The following DOK6 variants were observed in gnomAD, a reference collection of about 807,000 sequenced individuals.
DOK6 encodes downstream of tyrosine kinase 6.
Under a neutral mutation model 44.0 loss-of-function variants are expected in DOK6, and 22 were observed. The ratio of observed to expected loss-of-function variants is 0.50; its 90% CI spans 0.36 to 0.71. The LOEUF is 0.71. DOK6 is among the 30% of genes least tolerant of loss of function. The probability of loss-of-function intolerance (pLI) is 0.00; values close to 1 mark genes in which losing one functional copy is unlikely to be tolerated. For synonymous variants in DOK6, 166 were observed against 145.5 expected, an observed-to-expected ratio of 1.14 and a Z score of -1.01; for missense variants, 340 against 416.4, an observed-to-expected ratio of 0.82 and a Z score of 1.60.
intron 1 of DOK6, among the ~76,000 whole-genome samples, chr18:69,408,043 C>T (rs926931459): frequency 2.0e-5 from 3 of 152,104 alleles, no homozygotes; most frequent in African/African-American, 7.2e-5. Context: ...TGTACATAAA[C>T]TAGAATCCAA....
At chr18:69,805,184 A>G (rs1376183827) in intron 7 of DOK6, among the ~76,000 whole-genome samples, 1 of 152,208 alleles carries the variant, frequency 6.6e-6, no homozygotes, top group African/African-American at 2.4e-5. Flanking sequence ...AAGCTCCTGC[A>G]TTTATGGTTT....
chr18:69,547,078 G>T (rs1982426824), intron 1 of DOK6, among the ~76,000 whole-genome samples: 1 of 151,236 alleles, frequency 6.6e-6, no homozygotes, highest in East Asian at 1.9e-4. Context: ...TTGGGTCAGG[G>T]AACGTACCCT....
At chr18:69,840,552 A>G (rs1982186703) in intron 7 of DOK6, among the ~76,000 whole-genome samples, 1 of 152,242 alleles carries the variant, frequency 6.6e-6, no homozygotes. Context: ...TTTCTCATGC[A>G]GGGGTGCAGC....
intron 7 of DOK6, among the ~76,000 whole-genome samples, chr18:69,825,978 G>C (rs551828903): frequency 6.6e-6 from 1 of 151,954 alleles, no homozygotes; most frequent in Non-Finnish European, 1.5e-5. Context: ...CCCAATCACT[G>C]TGCTGTATGG....
chr18:69,587,102 G>A (rs895220939), intron 2 of DOK6, among the ~76,000 whole-genome samples: 17 of 152,104 alleles, frequency 1.1e-4, no homozygotes, highest in African/African-American at 3.4e-4. Context: ...TAATACAGAC[G>A]GCACTGCTTA....
At chr18:69,549,031 G>T (rs1279122971) in intron 1 of DOK6, among the ~76,000 whole-genome samples, 2 of 150,090 alleles carry the variant, frequency 1.3e-5, no homozygotes, top group South Asian at 2.1e-4. Flanking sequence ...GGGTGACGGA[G>T]CCTGCAGTGA....
chr18:69,534,589 G>GT (rs1982070017), intron 1 of DOK6, among the ~76,000 whole-genome samples: 1 of 150,208 alleles, frequency 6.7e-6, no homozygotes, highest in Admixed American at 6.6e-5. Context: ...CTTGTTCTTT[G>GT]TTTTTTTCCA....
chr18:69,684,064 C>T (rs773933983), intron 4 of DOK6, among the ~76,000 whole-genome samples: 2 of 152,180 alleles, frequency 1.3e-5, no homozygotes, highest in African/African-American at 4.8e-5. Flanking sequence ...AATAAGATGA[C>T]ACTAATGGAT....
chr18:69,841,270 T>G lies in DOK6; in HGVS notation c.883T>G (p.Ser295Ala). 1 of 1,614,206 alleles carries G rather than the reference T, an allele frequency of 6.2e-7. No individual in the cohort carries two copies. Among genetic ancestry groups the G allele is most frequent in the Non-Finnish European group, 8.5e-7 (1 of 1,180,044 alleles). Residue 295 changes from serine (S) to alanine (A), a missense_variant, in exon 8 of 8, where the codon TCT becomes GCT. Physicochemically the swap from Ser to Ala is moderately conservative, Grantham distance 99. This residue lies in a region of DOK6 where 112 missense variants were observed against 109.3 expected (regional missense o/e 1.02). Coordinates refer to ENST00000382713, the MANE Select transcript of DOK6 (RefSeq NM_152721.6). ...QGHGFGSSKM[S>A]RAQTFPSYAP... ...TCATGGGTTTGGTTCGTCAAAGATGTCTCGTGCACAGACATTTCCCAGCTA... is the reference window on the plus strand; with the variant it reads ...TCATGGGTTTGGTTCGTCAAAGATGGCTCGTGCACAGACATTTCCCAGCTA...
chr18:69,819,808 C>T (rs1052892271), intron 7 of DOK6, among the ~76,000 whole-genome samples: 2 of 152,032 alleles, frequency 1.3e-5, no homozygotes, highest in African/African-American at 4.8e-5. Flanking sequence ...TTATAATGTC[C>T]TCCAGATTCA....
At chr18:69,484,476 G>T (rs569297150) in intron 1 of DOK6, among the ~76,000 whole-genome samples, 8 of 151,926 alleles carry the variant, frequency 5.3e-5, no homozygotes, top group Admixed American at 1.3e-4. Flanking sequence ...TTTTGTATTT[G>T]TTCAATGAAT....
intron 3 of DOK6, among the ~76,000 whole-genome samples, chr18:69,621,445 T>G (rs1984436531): frequency 6.6e-6 from 1 of 152,186 alleles, no homozygotes. Flanking sequence ...TCTTTTAAAA[T>G]TATATAGGAT....
chr18:69,415,965 C>T (rs1486962761), intron 1 of DOK6, among the ~76,000 whole-genome samples: 1 of 151,984 alleles, frequency 6.6e-6, no homozygotes, highest in Non-Finnish European at 1.5e-5. Flanking sequence ...ATGTAGTTAG[C>T]TTATTTAACT....
intron 1 of DOK6, among the ~76,000 whole-genome samples, chr18:69,476,424 G>A (rs889487779): frequency 4.0e-5 from 6 of 151,578 alleles, no homozygotes; most frequent in East Asian, 2.0e-4. Flanking sequence ...TCTCAAGAGC[G>A]GAAGAGAAAT....
chr18:69,408,184 T>C (rs1346534396), intron 1 of DOK6, among the ~76,000 whole-genome samples: 1 of 152,194 alleles, frequency 6.6e-6, no homozygotes, highest in Non-Finnish European at 1.5e-5. Context: ...CTTTGGAGTA[T>C]ATATAGACAA....
At chr18:69,591,410 G>T (rs188699286) in intron 2 of DOK6, among the ~76,000 whole-genome samples, 8 of 152,166 alleles carry the variant, frequency 5.3e-5, no homozygotes, top group Admixed American at 3.9e-4. Flanking sequence ...TCAGACTTTG[G>T]TATTTGTCAC....
intron 1 of DOK6, among the ~76,000 whole-genome samples, chr18:69,526,564 T>G (rs1412228640): frequency 1.3e-5 from 2 of 152,184 alleles, no homozygotes; most frequent in African/African-American, 4.8e-5. Context: ...CATGTACAAG[T>G]TTTTGTGTGT....
intron 4 of DOK6, among the ~76,000 whole-genome samples, chr18:69,694,648 A>G (rs551671755): frequency 6.6e-6 from 1 of 152,230 alleles, no homozygotes; most frequent in East Asian, 1.9e-4. Context: ...ATATGAATGA[A>G]TACATTTTGA....
intron 1 of DOK6, among the ~76,000 whole-genome samples, chr18:69,451,030 A>G (rs1979448430): frequency 6.8e-6 from 1 of 146,872 alleles, no homozygotes; most frequent in Non-Finnish European, 1.5e-5. Flanking sequence ...AGCTAACATC[A>G]TAATGACAGG....
Sources: allele counts gnomAD v4.1 joint callset (sites outside exome capture counted in the v4.1 genomes callset), GRCh38; gene constraint gnomAD v4.1.1; regional missense constraint gnomAD v4.1.1; transcripts MANE v1.5; gene names NCBI Gene and HGNC (gene_info 2026-07-23, HGNC 2026-07-21).